Variants in NLRP7 observed in about 807,000 individuals in gnomAD.
NLRP7 encodes NLR family pyrin domain containing 7, also known as NACHT, LRR and PYD domains-containing protein 7.
NLRP7 carries 72 observed loss-of-function variants against 85.5 expected under a neutral mutation model. That is an observed-to-expected ratio of 0.84 (90% CI 0.70 to 1.02). NLRP7 has a LOEUF of 1.02. Among genes scored for constraint, NLRP7 ranks in the 50% least tolerant of loss-of-function variants. The pLI, the probability that NLRP7 is intolerant of heterozygous loss-of-function variation, is 0.00. For missense variants in NLRP7, 1,243 were observed against 1,219.5 expected (o/e 1.02, Z -0.29); for synonymous variants, 550 against 505.2 (o/e 1.09, Z -1.19).
At chr19:54,929,463 T>A (rs995442058) in intron 9 of NLRP7, among the ~76,000 whole-genome samples, 2 of 152,152 alleles carry the variant, frequency 1.3e-5, no homozygotes, top group Admixed American at 6.6e-5. Context: ...GCATTAGGAT[T>A]GCAGATTCTA....
chr19:54,959,295 T>G (rs1343177412), intron 1 of NLRP7, among the ~76,000 whole-genome samples: 2 of 140,040 alleles, frequency 1.4e-5, no homozygotes, highest in East Asian at 3.9e-4. Flanking sequence ...CACGCCACCA[T>G]GCCCGGCTAA....
At chr19:54,963,651 C>T (rs2070150532) in intron 1 of NLRP7, among the ~76,000 whole-genome samples, 2 of 151,972 alleles carry the variant, frequency 1.3e-5, no homozygotes, top group South Asian at 2.1e-4. Context: ...TGGTGAAACC[C>T]CATCTCTACT....
chr19:54,947,627 C>T (rs1344785908), upstream of NLRP7: 20 of 1,289,590 alleles, frequency 1.6e-5, no homozygotes, highest in Non-Finnish European at 2.0e-5. Flanking sequence ...CTCCCAACCA[C>T]TGACCTCAGG....
intron 1 of NLRP7, among the ~76,000 whole-genome samples, chr19:54,961,883 C>A (rs564926281): frequency 1.3e-5 from 2 of 150,724 alleles, no homozygotes; most frequent in Admixed American, 1.3e-4. Flanking sequence ...AGAAAAAGGT[C>A]GGGGGAAGTG....
upstream of NLRP7, among the ~76,000 whole-genome samples, chr19:54,952,463 G>C (rs753703895): frequency 1.3e-5 from 2 of 151,794 alleles, no homozygotes; most frequent in African/African-American, 2.4e-5. Flanking sequence ...GCGTGGTAGC[G>C]GGTGCCTGTA....
At chr19:54,956,109 C>T (rs549586830) in intron 1 of NLRP7, among the ~76,000 whole-genome samples, 2 of 150,710 alleles carry the variant, frequency 1.3e-5, no homozygotes, top group Non-Finnish European at 3.0e-5. Context: ...AACTGCACTC[C>T]AGCCTGGGCA....
intron 1 of NLRP7, among the ~76,000 whole-genome samples, chr19:54,945,387 C>T (rs1045485964): frequency 6.7e-6 from 1 of 150,214 alleles, no homozygotes; most frequent in East Asian, 2.0e-4. Context: ...TCTCCTGCCT[C>T]GGCCTCCCAA....
In NLRP7 at chr19:54,927,761, G is replaced by A. The variant is rs1055434087; in HGVS notation, c.2810+2738C>T. 6 of 1,613,890 alleles carry A rather than the reference G, an allele frequency of 3.7e-6. No individual in the cohort carries two copies. In the African/African-American group the frequency reaches 4.0e-5, roughly 11 times the overall value. On this transcript the variant is annotated intron_variant, in intron 9 of 9. Coordinates refer to ENST00000340844, the Ensembl canonical transcript of NLRP7. ...ATGCTGACAATAGAAAGGCATGAGGGAGCAGCTCCAGAGGCTGTTGAGGAA... is the reference window on the plus strand; with the variant it reads ...ATGCTGACAATAGAAAGGCATGAGGAAGCAGCTCCAGAGGCTGTTGAGGAA...
intron 9 of NLRP7, 80 bp from the exon 11 acceptor site, chr19:54,923,952 A>G (rs910735237): frequency 1.3e-6 from 2 of 1,491,982 alleles, no homozygotes; most frequent in African/African-American, 2.8e-5. Flanking sequence ...GTTTTCAAAC[A>G]CTCAAAGCAG....
At chr19:54,942,691 G>A (rs966481929) in intron 1 of NLRP7, among the ~76,000 whole-genome samples, 4 of 151,952 alleles carry the variant, frequency 2.6e-5, no homozygotes, top group South Asian at 2.1e-4. Context: ...CTCGAGCCTC[G>A]GCAACAAGAA....
chr19:54,953,352 C>G (rs966719041), intron 1 of NLRP7: 1 of 152,218 alleles, frequency 6.6e-6, no homozygotes, highest in Admixed American at 6.6e-5. Flanking sequence ...GGGTCGTGAT[C>G]GACTGAGCAA....
chr19:54,932,426 CAA>C (rs71960636), intron 8 of NLRP7, among the ~76,000 whole-genome samples: 1 of 141,100 alleles, frequency 7.1e-6, no homozygotes. Flanking sequence ...AGACTTCATC[CAA>C]AAAAAAAAAA....
intron 6 of NLRP7, among the ~76,000 whole-genome samples, chr19:54,936,007 G>T (rs2068906080): frequency 6.6e-6 from 1 of 152,140 alleles, no homozygotes; most frequent in Non-Finnish European, 1.5e-5. Flanking sequence ...GTGCAGTCAG[G>T]AATAGCATGT....
At chr19:54,958,659 A>G (rs868367882) in intron 1 of NLRP7, among the ~76,000 whole-genome samples, 1 of 151,770 alleles carries the variant, frequency 6.6e-6, no homozygotes, top group Middle Eastern at 3.4e-3. Flanking sequence ...AATAATAATA[A>G]TAATAACTAG....
At chr19:54,943,237 G>A (rs1273851342) in intron 1 of NLRP7, among the ~76,000 whole-genome samples, 1 of 152,032 alleles carries the variant, frequency 6.6e-6, no homozygotes, top group Non-Finnish European at 1.5e-5. Flanking sequence ...TTGAGCCTAC[G>A]ATTTGGAGGT....
intron 1 of NLRP7, among the ~76,000 whole-genome samples, chr19:54,958,406 C>T (rs1478828767): frequency 1.3e-5 from 2 of 149,648 alleles, no homozygotes; most frequent in African/African-American, 5.0e-5. Flanking sequence ...CTTTGGGACG[C>T]CGAGGTGGGC....
exon 4 of NLRP7, chr19:54,939,462 T>C: frequency 1.9e-6 from 3 of 1,613,094 alleles, no homozygotes; most frequent in Non-Finnish European, 2.5e-6. Flanking sequence ...TGGCGGAGGA[T>C]GTCTCCGTCC....
At chr19:54,935,884 C>T (rs972708304) in intron 6 of NLRP7, among the ~76,000 whole-genome samples, 1 of 151,766 alleles carries the variant, frequency 6.6e-6, no homozygotes, top group African/African-American at 2.4e-5. Flanking sequence ...CGAACAGTTT[C>T]ATCCCAAAAC....
chr19:54,943,571 A>T (rs539054135), intron 1 of NLRP7, among the ~76,000 whole-genome samples: 1 of 136,486 alleles, frequency 7.3e-6, no homozygotes, highest in South Asian at 2.7e-4. Flanking sequence ...ACCGCACTCC[A>T]GCCTGGGCGA....
Sources: gnomAD v4.1 joint callset for allele counts (sites outside exome capture counted in the v4.1 genomes callset) on GRCh38, gnomAD v4.1.1 for gene constraint, MANE v1.5 for transcripts, NCBI Gene and HGNC (gene_info 2026-07-23, HGNC 2026-07-21) for gene names.